MDGA2: variants seen among roughly 807,000 people sequenced by gnomAD.
MDGA2 encodes MAM domain containing glycosylphosphatidylinositol anchor 2.
In MDGA2, 40 loss-of-function variants were observed where a neutral mutation model predicts 117.8. The observed-to-expected ratio is 0.34, with a 90% CI of 0.26 to 0.44. The LOEUF (loss-of-function observed/expected upper bound fraction) is 0.44. Among genes scored for constraint, MDGA2 ranks in the 20% least tolerant of loss-of-function variants. The pLI, the probability that MDGA2 is intolerant of heterozygous loss-of-function variation, is 1.00. For missense variants in MDGA2, 1,123 were observed against 1,250.6 expected (o/e 0.90, Z 1.54); for synonymous variants, 452 against 439.0 (o/e 1.03, Z -0.37).
chr14:47,176,372 G>C (rs1884448921), intron 3 of MDGA2, among the ~76,000 whole-genome samples: 1 of 152,166 alleles, frequency 6.6e-6, no homozygotes. Flanking sequence ...AACAAAGCTG[G>C]AGGCATCACG....
In MDGA2 at chr14:47,512,122, T is replaced by C. The variant is rs368135959; in HGVS notation, c.280+162395A>G. ...CATGAGAATTACTGAAAACTGCCCATTGAACACCATGCATATCAACTGACT... is the reference window on the plus strand; with the variant it reads ...CATGAGAATTACTGAAAACTGCCCACTGAACACCATGCATATCAACTGACT... On this transcript the variant is annotated intron_variant, in intron 1 of 16. Transcript: ENST00000399232. Among the ~76,000 whole-genome samples the C allele has an allele frequency of 1.1e-3, 163 of 152,282 alleles. 1 individual carries two copies. Among genetic ancestry groups the C allele is most frequent in the Middle Eastern group, 0.01 (3 of 294 alleles).
chr14:47,183,132 T>C (rs1884776396), intron 3 of MDGA2, among the ~76,000 whole-genome samples: 3 of 152,300 alleles, frequency 2.0e-5, no homozygotes, highest in East Asian at 3.9e-4. Context: ...GCATATGGGC[T>C]CATCCCTGTT....
intron 1 of MDGA2, among the ~76,000 whole-genome samples, chr14:47,582,781 T>C (rs1896253091): frequency 6.6e-6 from 1 of 151,894 alleles, no homozygotes; most frequent in Admixed American, 6.6e-5. Flanking sequence ...TTGTTTATAT[T>C]CTCAATAAAA....
At chr14:47,455,584 A>G (rs1205472105) in intron 1 of MDGA2, among the ~76,000 whole-genome samples, 4 of 152,236 alleles carry the variant, frequency 2.6e-5, no homozygotes, top group African/African-American at 9.6e-5. Context: ...TAAATATTAG[A>G]TAACAAAAAA....
At chr14:47,164,667 T>G (rs2139291387) in intron 3 of MDGA2, among the ~76,000 whole-genome samples, 1 of 152,316 alleles carries the variant, frequency 6.6e-6, no homozygotes, top group East Asian at 1.9e-4. Context: ...TGTAAACTAG[T>G]TCAACCATTG....
Position 47,643,618 on chromosome 14 carries a change from G to A in MDGA2, c.280+30899C>T, listed in dbSNP as rs149017672. On this transcript the variant is annotated intron_variant, in intron 1 of 16. Transcript: ENST00000399232. ...AAGCAAAGAGGCACCAAATGTTAAC[G>A]TACCTAACAGTTCTTAATCTCTTCT... Among the ~76,000 whole-genome samples, 187 of 152,176 alleles carry A rather than the reference G, an allele frequency of 1.2e-3. 2 individuals carry two copies. The highest frequency in any genetic ancestry group is 4.3e-3 in the African/African-American group (177 of 41,558).
intron 6 of MDGA2, among the ~76,000 whole-genome samples, chr14:47,077,316 G>C (rs1594595479): frequency 6.6e-6 from 1 of 152,162 alleles, no homozygotes; most frequent in Non-Finnish European, 1.5e-5. Context: ...TCATCATAGG[G>C]TTAGTGTGAA....
At chr14:47,368,212 C>G (rs1322886477) in intron 1 of MDGA2, among the ~76,000 whole-genome samples, 3 of 151,844 alleles carry the variant, frequency 2.0e-5, no homozygotes, top group Non-Finnish European at 2.9e-5. Flanking sequence ...AACCCAGAAG[C>G]CAGAGGTTGC....
chr14:47,344,145 T>C (rs1458602471), intron 1 of MDGA2, among the ~76,000 whole-genome samples: 2 of 152,188 alleles, frequency 1.3e-5, no homozygotes, highest in African/African-American at 4.8e-5. Context: ...ATCAAAAACA[T>C]TTCTTTTGAG....
At chr14:47,537,162 T>TA (rs1193590915) in intron 1 of MDGA2, among the ~76,000 whole-genome samples, 1 of 151,998 alleles carries the variant, frequency 6.6e-6, no homozygotes, top group Non-Finnish European at 1.5e-5. Context: ...GTGCAACCGT[T>TA]ACAAATTCTG....
intron 2 of MDGA2, among the ~76,000 whole-genome samples, chr14:47,267,659 T>C (rs1471381241): frequency 6.6e-6 from 1 of 152,188 alleles, no homozygotes; most frequent in African/African-American, 2.4e-5. Context: ...AACACACACA[T>C]ACCAATTTGA....
intron 8 of MDGA2, among the ~76,000 whole-genome samples, chr14:46,989,268 G>T (rs1886986918): frequency 6.6e-6 from 1 of 151,694 alleles, no homozygotes; most frequent in Admixed American, 6.6e-5. Flanking sequence ...TTGCAAGATA[G>T]TGGAAGGAAA....
At chr14:47,177,972 G>A (rs1884543741) in intron 3 of MDGA2, among the ~76,000 whole-genome samples, 1 of 151,984 alleles carries the variant, frequency 6.6e-6, no homozygotes, top group African/African-American at 2.4e-5. Flanking sequence ...AATATATATA[G>A]TAATATTTCA....
intron 1 of MDGA2, among the ~76,000 whole-genome samples, chr14:47,586,771 A>C (rs1423798232): frequency 1.3e-5 from 2 of 151,936 alleles, no homozygotes; most frequent in African/African-American, 4.8e-5. Flanking sequence ...GAGGACAGCA[A>C]CATAAGGAAA....
At chr14:47,177,222 C>T (rs1486594330) in intron 3 of MDGA2, among the ~76,000 whole-genome samples, 3 of 152,076 alleles carry the variant, frequency 2.0e-5, no homozygotes, top group Non-Finnish European at 4.4e-5. Context: ...ACTAGTTCAA[C>T]CATTGTGGAA....
intron 6 of MDGA2, among the ~76,000 whole-genome samples, chr14:47,080,526 G>T (rs549110526): frequency 6.6e-6 from 1 of 152,198 alleles, no homozygotes; most frequent in Non-Finnish European, 1.5e-5. Context: ...GTGATGCTTT[G>T]TGCATCCTCC....
chr14:47,504,730 GT>G (rs758676673), intron 1 of MDGA2, among the ~76,000 whole-genome samples: 162 of 152,248 alleles, frequency 1.1e-3, no homozygotes, highest in Non-Finnish European at 1.7e-3. Flanking sequence ...CTAACAAACT[GT>G]TTATACTGTT....
intron 8 of MDGA2, among the ~76,000 whole-genome samples, chr14:46,981,174 G>GGT (rs201938374): frequency 1.3e-5 from 2 of 151,488 alleles, no homozygotes; most frequent in African/African-American, 4.9e-5. Flanking sequence ...GAGGCCAAGG[G>GGT]GGGGGCGGAT....
At chr14:47,116,253 G>A (rs976391966) in intron 5 of MDGA2, among the ~76,000 whole-genome samples, 1 of 152,058 alleles carries the variant, frequency 6.6e-6, no homozygotes, top group Non-Finnish European at 1.5e-5. Flanking sequence ...ATTGGTGAAG[G>A]AGGTGAAACA....
Sources: allele counts gnomAD v4.1 joint callset (sites outside exome capture counted in the v4.1 genomes callset), GRCh38; gene constraint gnomAD v4.1.1; transcripts MANE v1.5; gene names NCBI Gene and HGNC (gene_info 2026-07-23, HGNC 2026-07-21).